HDHD5: variants seen among roughly 807,000 people sequenced by gnomAD.
HDHD5 encodes the protein haloacid dehalogenase like hydrolase domain containing 5, also known as haloacid dehalogenase-like hydrolase domain-containing 5.
HDHD5 carries 34 observed loss-of-function variants against 35.5 expected under a neutral mutation model. That is an observed-to-expected ratio of 0.96 (90% CI 0.73 to 1.28). The LOEUF (loss-of-function observed/expected upper bound fraction) is 1.28, where lower values mean the gene tolerates loss of function less well. Ranked by LOEUF, HDHD5 falls within the 50% of genes most tolerant of loss-of-function variation. HDHD5 has a pLI of 0.00. For missense variants in HDHD5, 589 were observed against 560.2 expected, an observed-to-expected ratio of 1.05 and a Z score of -0.52; for synonymous variants, 248 against 240.6, an observed-to-expected ratio of 1.03 and a Z score of -0.29.
intron 3 of HDHD5, among the ~76,000 whole-genome samples, chr22:17,146,273 A>G (rs1411606274): frequency 4.6e-5 from 7 of 151,730 alleles, no homozygotes; most frequent in Non-Finnish European, 1.0e-4. Context: ...CCCCAGGGAT[A>G]CTCCAAGCCC....
In HDHD5 at chr22:17,164,874, C is replaced by T. The variant is rs548829987; in HGVS notation, c.36+335G>A. Among the ~76,000 whole-genome samples the T allele has an allele frequency of 5.9e-5, 9 of 152,296 alleles. No individual in the cohort carries two copies. In the South Asian group the frequency reaches 1.9e-3, roughly 32 times the overall value. ...AGACGAAAGAAAAGAGAAGTTGGTT[C>T]CCAGTACAGGAATGGCAGGGAAGCT... On this transcript the variant is annotated intron_variant, in intron 1 of 7. Transcript: ENST00000155674.
chr22:17,138,274 A>G lies in HDHD5; in HGVS notation c.1019T>C (p.Leu340Pro), dbSNP rs1276068539. Residue 340 changes from leucine to proline, a missense_variant, in exon 8 of 8, where the codon CTA becomes CCA. Leu to Pro is a moderately conservative substitution (Grantham distance 98, BLOSUM62 -3). Coordinates refer to ENST00000336737, the MANE Select transcript of HDHD5 (RefSeq NM_033070.3). ...TTGCTGCCGTGTGCCCCCGGCCCCT[A>G]GTTCTGGCGCCCCATCATGCGTTGC... ...QKATHDGAPE[L>P]GAGGTRQQQP... The G allele has an allele frequency of 3.7e-6, 6 of 1,614,130 alleles. No individual in the cohort carries two copies. Among genetic ancestry groups the G allele is most frequent in the South Asian group, 1.1e-5 (1 of 91,080 alleles).
At chr22:17,145,741 C>T (rs1029054957) in intron 3 of HDHD5, among the ~76,000 whole-genome samples, 2 of 152,072 alleles carry the variant, frequency 1.3e-5, no homozygotes, top group African/African-American at 4.8e-5. Context: ...ATTCAGAGCC[C>T]ATCAAAACCA....
intron 3 of HDHD5, among the ~76,000 whole-genome samples, chr22:17,147,812 C>T (rs1568944962): frequency 6.6e-6 from 1 of 151,210 alleles, no homozygotes. Flanking sequence ...TACCGGCCTT[C>T]GATCACACGC....
chr22:17,150,456 C>T (rs1238273202), intron 1 of HDHD5, among the ~76,000 whole-genome samples: 3 of 151,974 alleles, frequency 2.0e-5, no homozygotes, highest in Non-Finnish European at 4.4e-5. Flanking sequence ...CTAATGTTAA[C>T]ACACACATAG....
rs1381380388 is a variant in HDHD5, at chr22:17,140,127, G to A, written c.746+932C>T. Among the ~76,000 whole-genome samples, 5 of 152,308 alleles carry A rather than the reference G, an allele frequency of 3.3e-5. No homozygotes were observed. The East Asian group carries it at 9.6e-4, about 29-fold the overall frequency. On this transcript the variant is annotated intron_variant, in intron 6 of 7. Coordinates refer to ENST00000336737, the MANE Select transcript of HDHD5 (RefSeq NM_033070.3). Reference sequence around the variant, plus strand: ...TGGGACTACTGAGACGGGCCCTGAGGCAGTACTGGGCCGTGCCCACCCTCT... The same window carrying A: ...TGGGACTACTGAGACGGGCCCTGAGACAGTACTGGGCCGTGCCCACCCTCT...
intron 1 of HDHD5, among the ~76,000 whole-genome samples, chr22:17,152,581 T>C (rs541820003): frequency 5.3e-4 from 81 of 152,200 alleles, no homozygotes; most frequent in African/African-American, 1.8e-3. Context: ...AAGTCCCACT[T>C]TGGACCTGGG....
chr22:17,145,289 C>T (rs1426147366), intron 3 of HDHD5, 172 bp from the exon 4 acceptor site: 2 of 657,830 alleles, frequency 3.0e-6, no homozygotes, highest in Non-Finnish European at 3.8e-6. Flanking sequence ...GGCAGGCAGG[C>T]TGTAACTGCA....
At chr22:17,150,707 C>T (rs748223658) in intron 1 of HDHD5, among the ~76,000 whole-genome samples, 6 of 152,022 alleles carry the variant, frequency 3.9e-5, no homozygotes, top group Non-Finnish European at 8.8e-5. Flanking sequence ...TTAGTGGAGA[C>T]GAGGTTATGC....
At chr22:17,153,839 T>C (rs2061755013) in intron 1 of HDHD5, among the ~76,000 whole-genome samples, 1 of 152,036 alleles carries the variant, frequency 6.6e-6, no homozygotes, top group African/African-American at 2.4e-5. Context: ...GACCACCCTA[T>C]CCCTTTCTGA....
At position 17,138,433 on chromosome 22, in the gene HDHD5, G is replaced by A. The variant is rs1415125149; in HGVS notation, c.936-76C>T. The A allele has an allele frequency of 2.1e-5, 33 of 1,560,950 alleles. 1 individual carries two copies. In the Admixed American group the frequency reaches 2.4e-4, roughly 11 times the overall value. On this transcript the variant is annotated intron_variant, in intron 7 of 7. Coordinates refer to ENST00000336737, the MANE Select transcript of HDHD5 (RefSeq NM_033070.3). ...TCAATGTTGCAAAGCAAAGGGAGCA[G>A]AGAAGAGTTTCGGGGCAGAAGAGTG...
chr22:17,144,189 G>A (rs1375279097), intron 4 of HDHD5, among the ~76,000 whole-genome samples: 1 of 152,210 alleles, frequency 6.6e-6, no homozygotes, highest in African/African-American at 2.4e-5. Context: ...GCTCTGAAAC[G>A]GGTTCCCAGC....
At position 17,149,684 on chromosome 22, in the gene HDHD5, A is replaced by G. The variant is rs1179417163; in HGVS notation, c.188T>C (p.Val63Ala). The G allele has an allele frequency of 1.2e-6, 2 of 1,613,938 alleles. No homozygotes were observed. Among genetic ancestry groups the G allele is most frequent in the South Asian group, 1.1e-5 (1 of 91,068 alleles). Residue 63 changes from valine to alanine, a missense_variant, in exon 2 of 8, where the codon GTG becomes GCG. Transcript: ENST00000336737. ...IDGVLVRGHRVIPAALKAFRR... is the reference protein window; with the variant it reads ...IDGVLVRGHRAIPAALKAFRR... ...GAAGGCTTTCAGAGCAGCAGGGATC[A>G]CTCTGTGGCCCCGCACAAGCACTCC...
At chr22:17,156,573 G>C (rs1052408635) in intron 1 of HDHD5, among the ~76,000 whole-genome samples, 1 of 152,126 alleles carries the variant, frequency 6.6e-6, no homozygotes, top group Non-Finnish European at 1.5e-5. Context: ...TTAGGAGATC[G>C]AGACCATCTT....
chr22:17,148,460 T>A lies in HDHD5; in HGVS notation c.431A>T (p.Glu144Val), dbSNP rs2061689639. The A allele has an allele frequency of 1.1e-5, 17 of 1,613,882 alleles. No individual in the cohort carries two copies. Among genetic ancestry groups the A allele is most frequent in the Non-Finnish European group, 1.4e-5 (16 of 1,179,892 alleles). The change falls in exon 3 of 8, where the codon GAA (glutamate) becomes GTA (valine). Residue 144 changes from glutamate to valine, a missense_variant. By Grantham distance (121) the Glu-to-Val change is moderately radical. Transcript: ENST00000336737. Reference protein sequence around the residue: ...MLVSGQGPVMENAQGLGFRNV... With the variant: ...MLVSGQGPVMVNAQGLGFRNV... ...ACCAAAAGGATACCCCTGGGCATTT[T>A]CCATCACGGGCCCCTGTCCAGACAC...
At position 17,164,832 on chromosome 22, in the gene HDHD5, TC is replaced by T. The variant is rs528724088; in HGVS notation, c.36+376del. ...AGGAGGGAAACTGGCATATCCTACCTCACACCAGTAGGAGGCAGACGAAAGA... is the reference window on the plus strand; with the variant it reads ...AGGAGGGAAACTGGCATATCCTACCTACACCAGTAGGAGGCAGACGAAAGA... On this transcript the variant is annotated intron_variant, in intron 1 of 7. Transcript: ENST00000155674. 7.2e-5 allele frequency among the ~76,000 whole-genome samples: 11 copies of T among 152,300 alleles called. No individual in the cohort carries two copies. In the East Asian group the frequency reaches 2.1e-3, roughly 29 times the overall value.
At chr22:17,145,329 T>C (rs377618082) in intron 3 of HDHD5, among the ~76,000 whole-genome samples, 3 of 152,112 alleles carry the variant, frequency 2.0e-5, no homozygotes, top group Non-Finnish European at 2.9e-5. Context: ...AGCTCCTGGG[T>C]AACCCACCAG....
rs71315359 is a variant in HDHD5, at chr22:17,144,413, CTTTTT to C, written c.537+606_537+610del. Reference sequence around the variant, plus strand: ...TATAGGCATGCGCCACCATATGTGGCTTTTTTTTTTTTTTTTTTGAGACGGAGTCT... The same window carrying C: ...TATAGGCATGCGCCACCATATGTGGCTTTTTTTTTTTTTGAGACGGAGTCT... On this transcript the variant is annotated intron_variant, in intron 4 of 7. Transcript: ENST00000336737. Among the ~76,000 whole-genome samples the C allele has an allele frequency of 4.2e-3, 556 of 132,766 alleles. 6 individuals are homozygous for C. The highest frequency in any genetic ancestry group is 0.015 in the African/African-American group (531 of 36,026). 87.1% of individuals were successfully genotyped at this position (132,766 alleles called of 152,430 possible). A position where few individuals can be genotyped will look rare whatever the true frequency, so the allele number is the denominator to read the frequency against.
upstream of HDHD5, chr22:17,159,612 G>C: frequency 2.4e-6 from 1 of 410,448 alleles, no homozygotes; most frequent in South Asian, 1.7e-5. Flanking sequence ...GTCTGGGCCG[G>C]GGGTCTCAAC....
Sources: gnomAD v4.1 joint callset for allele counts (sites outside exome capture counted in the v4.1 genomes callset) on GRCh38, gnomAD v4.1.1 for gene constraint, MANE v1.5 for transcripts, NCBI Gene and HGNC (gene_info 2026-07-23, HGNC 2026-07-21) for gene names.